The following ANKRD12 variants were observed in gnomAD, a reference collection of about 807,000 sequenced individuals.
The protein encoded by ANKRD12 is ankyrin repeat domain 12.
Under a neutral mutation model 183.4 loss-of-function variants are expected in ANKRD12, and 85 were observed. The observed-to-expected ratio is 0.46, with a 90% CI of 0.39 to 0.56. The LOEUF (loss-of-function observed/expected upper bound fraction) is 0.56. Ranked by LOEUF, ANKRD12 falls within the 20% of genes least tolerant of loss-of-function variation. The probability of loss-of-function intolerance (pLI) is 0.00; values close to 1 mark genes in which losing one functional copy is unlikely to be tolerated. For missense variants in ANKRD12, 2,405 were observed against 2,357.1 expected (o/e 1.02, Z -0.42); for synonymous variants, 914 against 800.2 (o/e 1.14, Z -2.40).
intron 10 of ANKRD12, among the ~76,000 whole-genome samples, chr18:9,264,574 T>C (rs888048470): frequency 6.6e-6 from 1 of 152,300 alleles, no homozygotes; most frequent in Admixed American, 6.5e-5. Context: ...TCTGTAACAG[T>C]CTAAGAAATT....
chr18:9,227,414 A>G (rs1188614551), intron 8 of ANKRD12, among the ~76,000 whole-genome samples: 5 of 152,222 alleles, frequency 3.3e-5, no homozygotes, highest in Admixed American at 2.6e-4. Context: ...CTACAAAAAG[A>G]AAACCAAGAT....
intron 1 of ANKRD12, among the ~76,000 whole-genome samples, chr18:9,181,485 CTTG>C (rs2144168290): frequency 6.6e-6 from 1 of 152,296 alleles, no homozygotes; most frequent in South Asian, 2.1e-4. Context: ...CATTCTGCTT[CTTG>C]TTGTAGCCCA....
Position 9,262,010 on chromosome 18 carries a change from A to G in ANKRD12, c.5665-1780A>G, listed in dbSNP as rs979558491. ...CAGGACGCAGAAATTAAACAAATGAATTACTGCAATTAGAGGCCTGAGAAA... is the reference window on the plus strand; with the variant it reads ...CAGGACGCAGAAATTAAACAAATGAGTTACTGCAATTAGAGGCCTGAGAAA... On this transcript the variant is annotated intron_variant, in intron 9 of 12. Transcript: ENST00000262126. Among the ~76,000 whole-genome samples, 6 of 152,256 alleles carry G rather than the reference A, an allele frequency of 3.9e-5. No homozygotes were observed. The East Asian group carries it at 1.2e-3, about 29-fold the overall frequency.
chr18:9,148,988 C>T (rs1415673058), intron 1 of ANKRD12, among the ~76,000 whole-genome samples: 1 of 152,068 alleles, frequency 6.6e-6, no homozygotes, highest in African/African-American at 2.4e-5. Flanking sequence ...CATGTGTGTA[C>T]ACCTGTGCAT....
rs192310839 is a variant in ANKRD12, at chr18:9,216,147, C to T, written c.653-611C>T. On this transcript the variant is annotated intron_variant, in intron 6 of 12. Coordinates refer to ENST00000262126, the MANE Select transcript of ANKRD12 (RefSeq NM_015208.5). Reference sequence around the variant, plus strand: ...AATGAAAAAGCAAAAAAGTGAGACACAAATTTACAATGTATTTTTGTGAAG... The same window carrying T: ...AATGAAAAAGCAAAAAAGTGAGACATAAATTTACAATGTATTTTTGTGAAG... Among the ~76,000 whole-genome samples the T allele has an allele frequency of 1.7e-4, 26 of 151,222 alleles. No individual in the cohort carries two copies. The Admixed American group carries it at 1.7e-3, about 10-fold the overall frequency.
In ANKRD12 at chr18:9,284,530, A is replaced by G. The variant is rs905482510; in HGVS notation, c.*3404A>G. 4 of 152,168 alleles carry G rather than the reference A, an allele frequency of 2.6e-5. No individual in the cohort carries two copies. Among genetic ancestry groups the G allele is most frequent in the African/African-American group, 9.7e-5 (4 of 41,428 alleles). The allele number at this position is 152,168 out of a possible 1,614,324, so 9.4% of individuals were successfully genotyped here. A position where few individuals can be genotyped will look rare whatever the true frequency, so the allele number is the denominator to read the frequency against. Reference sequence around the variant, plus strand: ...AGCATTTTCACCGTTTGTAAAAATTATTTTTAAATATTTAGGGCAAAATTT... The same window carrying G: ...AGCATTTTCACCGTTTGTAAAAATTGTTTTTAAATATTTAGGGCAAAATTT... On this transcript the variant is annotated 3_prime_UTR_variant, in exon 13 of 13. Coordinates refer to ENST00000262126, the MANE Select transcript of ANKRD12 (RefSeq NM_015208.5).
chr18:9,254,581 G>A lies in ANKRD12; in HGVS notation c.1314G>A (p.Lys438=). Residue 438 remains lysine, a synonymous_variant, in exon 9 of 13, where the codon AAG becomes AAA. Coordinates refer to ENST00000262126, the MANE Select transcript of ANKRD12 (RefSeq NM_015208.5). ...SSDEEALQNK[K]ISTSCSVIPE... ...ATGAAGAAGCTCTTCAGAATAAAAAGATTTCTACTTCATGTTCCGTCATCC... is the reference window on the plus strand; with the variant it reads ...ATGAAGAAGCTCTTCAGAATAAAAAAATTTCTACTTCATGTTCCGTCATCC... 1 of 1,575,648 alleles carries A rather than the reference G, an allele frequency of 6.3e-7. No homozygotes were observed. The highest frequency in any genetic ancestry group is 8.6e-7 in the Non-Finnish European group (1 of 1,166,440).
At chr18:9,204,247 C>T (rs1410140012) in intron 3 of ANKRD12, among the ~76,000 whole-genome samples, 1 of 152,166 alleles carries the variant, frequency 6.6e-6, no homozygotes, top group East Asian at 1.9e-4. Context: ...ATTGAAACTG[C>T]ATGGTTGAAT....
Position 9,258,481 on chromosome 18 carries a change from C to T in ANKRD12, c.5214C>T (p.Asn1738=). 6.2e-7 allele frequency: 1 copy of T among 1,613,696 alleles called. No individual in the cohort carries two copies. Among genetic ancestry groups the T allele is most frequent in the South Asian group, 1.1e-5 (1 of 91,064 alleles). The change falls in exon 9 of 13, where the codon AAC becomes AAT. Residue 1738 remains asparagine (N), a synonymous_variant. Transcript: ENST00000262126. ...AAATCCCTCAAAGAATGACTAGAAA[C>T]AAAGCAAATACAATGGCAAATCAAA... The part of the protein sequence containing the change: ...ENQIPQRMTR[N]KANTMANQSK...
At chr18:9,214,888 T>C (rs1353361352) in intron 6 of ANKRD12, among the ~76,000 whole-genome samples, 2 of 152,174 alleles carry the variant, frequency 1.3e-5, no homozygotes, top group East Asian at 3.8e-4. Flanking sequence ...GCAAGATTGC[T>C]ATAAAAAAGG....
intron 1 of ANKRD12, among the ~76,000 whole-genome samples, chr18:9,161,363 T>A (rs550543666): frequency 1.4e-3 from 216 of 151,844 alleles, no homozygotes; most frequent in African/African-American, 5.0e-3. Context: ...GTTTTTATTT[T>A]ATTTTATTTA....
At chr18:9,277,863 A>G (rs944903652) in intron 11 of ANKRD12, among the ~76,000 whole-genome samples, 11 of 152,360 alleles carry the variant, frequency 7.2e-5, no homozygotes, top group African/African-American at 2.6e-4. Flanking sequence ...TTCCTAGAAC[A>G]GTATAAATTT....
At chr18:9,253,642 A>G (rs777176104) in intron 8 of ANKRD12, among the ~76,000 whole-genome samples, 11 of 152,228 alleles carry the variant, frequency 7.2e-5, no homozygotes, top group Non-Finnish European at 1.5e-4. Flanking sequence ...TGCAGTAAAC[A>G]TGGGAGTGCA....
rs754045017 is a variant in ANKRD12, at chr18:9,275,498, T to G, written c.5764-26T>G. Reference sequence around the variant, plus strand: ...AACAAAAATTTGTTGAAGAATTTATTTTTTTTTAATTCTTTATTCAACTAG... The same window carrying G: ...AACAAAAATTTGTTGAAGAATTTATGTTTTTTTAATTCTTTATTCAACTAG... On this transcript the variant is annotated intron_variant, in intron 10 of 12. Coordinates refer to ENST00000262126, the MANE Select transcript of ANKRD12 (RefSeq NM_015208.5). 5 of 1,590,230 alleles carry G rather than the reference T, an allele frequency of 3.1e-6. No individual in the cohort carries two copies. The East Asian group carries it at 1.1e-4, about 36-fold the overall frequency.
chr18:9,226,195 G>A (rs1289472985), intron 8 of ANKRD12, among the ~76,000 whole-genome samples: 3 of 152,102 alleles, frequency 2.0e-5, no homozygotes, highest in Non-Finnish European at 4.4e-5. Context: ...AGGCTGAGGT[G>A]GGTGGATCAC....
chr18:9,269,711 C>T (rs2039493873), intron 10 of ANKRD12, among the ~76,000 whole-genome samples: 1 of 152,184 alleles, frequency 6.6e-6, no homozygotes, highest in Non-Finnish European at 1.5e-5. Flanking sequence ...TAGGCATGGG[C>T]AAGGACTTCA....
chr18:9,150,328 T>C (rs1175502636), intron 1 of ANKRD12, among the ~76,000 whole-genome samples: 1 of 152,192 alleles, frequency 6.6e-6, no homozygotes, highest in Non-Finnish European at 1.5e-5. Flanking sequence ...TGCCATCTCA[T>C]GTATTACTTC....
chr18:9,210,221 C>A (rs556353396), intron 5 of ANKRD12, among the ~76,000 whole-genome samples: 1 of 152,128 alleles, frequency 6.6e-6, no homozygotes, highest in East Asian at 1.9e-4. Context: ...AGAAATTCAG[C>A]AAGCAAATTC....
At chr18:9,139,312 C>T (rs1425517269) in intron 1 of ANKRD12, among the ~76,000 whole-genome samples, 3 of 152,146 alleles carry the variant, frequency 2.0e-5, no homozygotes, top group Admixed American at 6.5e-5. Flanking sequence ...ATGCTTTTAT[C>T]AAGCTGTCGA....
Sources: gnomAD v4.1 joint callset for allele counts (sites outside exome capture counted in the v4.1 genomes callset) on GRCh38, gnomAD v4.1.1 for gene constraint, MANE v1.5 for transcripts, NCBI Gene and HGNC (gene_info 2026-07-23, HGNC 2026-07-21) for gene names.